Variants in IGFBP1 observed in about 807,000 individuals in gnomAD.
IGFBP1 encodes the protein insulin-like growth factor-binding protein 1.
A neutral mutation model predicts 23.1 loss-of-function variants in IGFBP1; 31 were observed. The observed-to-expected ratio is 1.34, with a 90% CI of 1.01 to 1.81. The LOEUF is 1.81. Ranked by LOEUF, IGFBP1 falls within the 40% of genes most tolerant of loss-of-function variation. The pLI, the probability that IGFBP1 is intolerant of heterozygous loss-of-function variation, is 0.00. For synonymous variants in IGFBP1, 148 were observed against 145.5 expected, an observed-to-expected ratio of 1.02 and a Z score of -0.13; for missense variants, 333 against 342.2, an observed-to-expected ratio of 0.97 and a Z score of 0.21.
chr7:45,893,099 T>G lies in IGFBP1; in HGVS notation c.*8T>G. On this transcript the variant is annotated 3_prime_UTR_variant, in exon 4 of 4. Transcript: ENST00000275525. Reference sequence around the variant, plus strand: ...TTTAATGTACAAAACTGAAACCAGATGAAATAATGTTCTGTCACGTGAAAT... The same window carrying G: ...TTTAATGTACAAAACTGAAACCAGAGGAAATAATGTTCTGTCACGTGAAAT... 6.2e-7 allele frequency: 1 copy of G among 1,601,616 alleles called. No homozygotes were observed. Among genetic ancestry groups the G allele is most frequent in the Non-Finnish European group, 8.6e-7 (1 of 1,169,588 alleles).
At chr7:45,889,035 TGCCGCCCGCCCCCGCCCGGCACCTCCC>T in intron 1 of IGFBP1, 34 bp downstream of exon 1, 2 of 1,445,882 alleles carry the variant, frequency 1.4e-6, no homozygotes, top group South Asian at 1.3e-5. Context: ...CAGCACCTCC[TGCCGCCCGCCCCCGCCCGGCACCTCCC>T]GCCCCCACTC....
intron 1 of IGFBP1, 65 bp downstream of exon 1, chr7:45,889,066 C>G (rs952392671): frequency 1.6e-6 from 2 of 1,259,438 alleles, no homozygotes; most frequent in Middle Eastern, 2.7e-4. Flanking sequence ...ACCTCCCGCC[C>G]CCACTCCCCT....
rs1419773692 is a variant in IGFBP1 at position 45,892,067 on chromosome 7, G to A, written c.648+7G>A. 3.7e-6 allele frequency: 6 copies of A among 1,613,860 alleles called. No homozygotes were observed. In the South Asian group the frequency reaches 6.6e-5, roughly 18 times the overall value. ...ATTTTATCACAGCAGACAGGTAGGT[G>A]GCCTTGCCAGTGTGCGTCGTCAGGG... is the stretch of plus-strand genomic sequence containing the variant. On this transcript the variant is annotated splice_region_variant and intron_variant, in intron 3 of 3. Transcript: ENST00000275525.
intron 2 of IGFBP1, among the ~76,000 whole-genome samples, chr7:45,891,322 T>C (rs933260019): frequency 1.8e-4 from 27 of 152,278 alleles, no homozygotes; most frequent in African/African-American, 6.5e-4. Context: ...GTGATTTGAT[T>C]TGAGAAAATA....
rs1476751607 is a variant in IGFBP1, at chr7:45,888,854, G to A, written c.202G>A (p.Gly68Ser). 2.6e-6 allele frequency: 4 copies of A among 1,518,850 alleles called. No individual in the cohort carries two copies. The highest frequency in any genetic ancestry group is 1.4e-5 in the African/African-American group (1 of 69,728). The allele number at this position is 1,518,850 out of a possible 1,614,324, so 94.1% of individuals were successfully genotyped here. A position where few individuals can be genotyped will look rare whatever the true frequency, so the allele number is the denominator to read the frequency against. Residue 68 changes from glycine (G) to serine (S), a missense_variant, in exon 1 of 4, where the codon GGC (glycine) becomes AGC (serine). Physicochemically the swap from Gly to Ser is moderately conservative, Grantham distance 56 (BLOSUM62 0). Transcript: ENST00000275525. Reference sequence around the variant, plus strand: ...TTGCCCGATGTGCGCCCTGCCTCTGGGCGCCGCGTGCGGCGTGGCGACTGC... The same window carrying A: ...TTGCCCGATGTGCGCCCTGCCTCTGAGCGCCGCGTGCGGCGTGGCGACTGC... ...GCCPMCALPL[G>S]AACGVATARC...
In IGFBP1 at chr7:45,888,800, G is replaced by A; in HGVS notation, c.148G>A (p.Glu50Lys). The A allele has an allele frequency of 6.4e-7, 1 of 1,570,636 alleles. No homozygotes were observed. Among genetic ancestry groups the A allele is most frequent in the East Asian group, 2.3e-5 (1 of 42,948 alleles). Residue 50 changes from glutamate (E) to lysine (K), a missense_variant, in exon 1 of 4, where the codon GAG (glutamate) becomes AAG (lysine). Coordinates refer to ENST00000275525, the MANE Select transcript of IGFBP1 (RefSeq NM_000596.4). ...LCPPVSASCSEVTRSAGCGCC... is the reference protein window; with the variant it reads ...LCPPVSASCSKVTRSAGCGCC... ...CCCGCCGGTGTCCGCCTCGTGCTCG[G>A]AGGTCACCCGGTCCGCCGGCTGCGG...
chr7:45,888,841 C>T lies in IGFBP1; in HGVS notation c.189C>T (p.Cys63=), dbSNP rs1787025730. The change falls in exon 1 of 4, where the codon TGC becomes TGT. Residue 63 remains cysteine, a synonymous_variant. Transcript: ENST00000275525. Reference sequence around the variant, plus strand: ...CCGGCTGCGGCTGTTGCCCGATGTGCGCCCTGCCTCTGGGCGCCGCGTGCG... The same window carrying T: ...CCGGCTGCGGCTGTTGCCCGATGTGTGCCCTGCCTCTGGGCGCCGCGTGCG... ...RSAGCGCCPM[C]ALPLGAACGV... is the part of the protein sequence containing the mutation. The T allele has an allele frequency of 3.9e-6, 6 of 1,535,316 alleles. No individual in the cohort carries two copies. Among genetic ancestry groups the T allele is most frequent in the Non-Finnish European group, 5.2e-6 (6 of 1,149,638 alleles).
At position 45,893,652 on chromosome 7, in the gene IGFBP1, G is replaced by T. The variant is rs939013823; in HGVS notation, c.*561G>T. ...TGGAAACATTTACAATAAATATTCT[G>T]CATGGAAATACTGTTATCTCTGTGG... On this transcript the variant is annotated 3_prime_UTR_variant, in exon 4 of 4. Transcript: ENST00000275525. 1 of 152,130 alleles carries T rather than the reference G, an allele frequency of 6.6e-6. No homozygotes were observed. The highest frequency in any genetic ancestry group is 6.5e-5 in the Admixed American group (1 of 15,276). 9.4% of individuals were successfully genotyped at this position (152,130 alleles called of 1,614,324 possible). A position where few individuals can be genotyped will look rare whatever the true frequency, so the allele number is the denominator to read the frequency against.
intron 2 of IGFBP1, 132 bp downstream of exon 2, chr7:45,890,849 C>T (rs539206073): frequency 1.3e-6 from 1 of 789,854 alleles, no homozygotes; most frequent in Admixed American, 2.9e-5. Context: ...CCCCCAAAAC[C>T]TAGTGGCCAT....
At chr7:45,892,901 C>T in intron 3 of IGFBP1, 59 bp from the exon 4 acceptor site, 23 of 1,570,544 alleles carry the variant, frequency 1.5e-5, no homozygotes, top group Non-Finnish European at 1.9e-5. Flanking sequence ...CCAGCTATGG[C>T]TCTACTTTCC....
chr7:45,891,419 T>C (rs1406268339), intron 2 of IGFBP1, among the ~76,000 whole-genome samples: 1 of 152,262 alleles, frequency 6.6e-6, no homozygotes, highest in Non-Finnish European at 1.5e-5. Context: ...AGAATAACGA[T>C]AAATGGAGGA....
intron 1 of IGFBP1, among the ~76,000 whole-genome samples, 186 bp downstream of exon 1, chr7:45,889,187 G>T (rs1240751025): frequency 3.3e-5 from 5 of 152,256 alleles, no homozygotes; most frequent in Non-Finnish European, 7.3e-5. Context: ...CCCGCTCATT[G>T]CACGGTCTTG....
Position 45,888,631 on chromosome 7 carries a change from T to G in IGFBP1, c.-22T>G. 1 of 1,580,196 alleles carries G rather than the reference T, an allele frequency of 6.3e-7. No individual in the cohort carries two copies. On this transcript the variant is annotated 5_prime_UTR_variant, in exon 1 of 4. Transcript: ENST00000275525. ...CACCAGCCCAGAGAGCATCGGCCCC[T>G]GTCTGCTGCTCGCGCCTGGAGATGT...
rs1209463901 is a variant in IGFBP1, at chr7:45,888,589, G to A, written c.-64G>A. On this transcript the variant is annotated 5_prime_UTR_variant, in exon 1 of 4. Coordinates refer to ENST00000275525, the MANE Select transcript of IGFBP1 (RefSeq NM_000596.4). ...CTCCACCATCACTTGCCCAGAGTTT[G>A]GGCCACCGCCCGCCGCCACCAGCCC... The A allele has an allele frequency of 1.9e-5, 27 of 1,412,864 alleles. No individual in the cohort carries two copies. The highest frequency in any genetic ancestry group is 2.3e-5 in the Non-Finnish European group (24 of 1,033,602). 87.5% of individuals were successfully genotyped at this position (1,412,864 alleles called of 1,614,324 possible).
intron 1 of IGFBP1, 98 bp downstream of exon 1, chr7:45,889,099 C>G: frequency 2.2e-6 from 2 of 903,804 alleles, no homozygotes; most frequent in South Asian, 3.8e-5. Flanking sequence ...GGGCTGCAGC[C>G]GGGCAGGGGC....
chr7:45,890,940 C>T (rs1206256488), intron 2 of IGFBP1, among the ~76,000 whole-genome samples: 4 of 152,122 alleles, frequency 2.6e-5, no homozygotes, highest in South Asian at 2.1e-4. Context: ...AATGTAGTTC[C>T]GGACGATAGG....
intron 1 of IGFBP1, 62 bp downstream of exon 1, chr7:45,889,063 G>C: frequency 7.8e-7 from 1 of 1,280,266 alleles, no homozygotes; most frequent in Admixed American, 2.5e-5. Flanking sequence ...GGCACCTCCC[G>C]CCCCCACTCC....
At position 45,889,000 on chromosome 7, in the gene IGFBP1, A is replaced by G. The variant is rs779725873; in HGVS notation, c.348A>G (p.Ala116=). The G allele has an allele frequency of 5.3e-6, 8 of 1,511,832 alleles. 1 individual carries two copies. The highest frequency in any genetic ancestry group is 7.0e-6 in the Non-Finnish European group (8 of 1,136,536). The allele number at this position is 1,511,832 out of a possible 1,614,324, so 93.7% of individuals were successfully genotyped here. The change falls in exon 1 of 4, where the codon GCA becomes GCG. Residue 116 remains alanine, a splice_region_variant and synonymous_variant. Coordinates refer to ENST00000275525, the MANE Select transcript of IGFBP1 (RefSeq NM_000596.4). ...CTGACGCCTCCGCTCCCCATGCTGC[A>G]GGTACCACAGTCCCGCCCCTGCTCC... ...QESDASAPHA[A]EAGSPESPES... is the part of the protein sequence containing the mutation.
intron 1 of IGFBP1, 93 bp from the exon 2 acceptor site, chr7:45,890,455 C>T (rs369900773): frequency 3.7e-6 from 5 of 1,367,360 alleles, no homozygotes; most frequent in African/African-American, 3.0e-5. Context: ...CATGGCCCAG[C>T]CTGGTTTTGA....
Sources: gnomAD v4.1 joint callset for allele counts (sites outside exome capture counted in the v4.1 genomes callset) on GRCh38, gnomAD v4.1.1 for gene constraint, MANE v1.5 for transcripts, NCBI Gene and HGNC (gene_info 2026-07-23, HGNC 2026-07-21) for gene names.